The following RBPJ variants were observed in gnomAD, a reference collection of about 807,000 sequenced individuals.
RBPJ encodes recombining binding protein suppressor of hairless.
RBPJ carries 9 observed loss-of-function variants against 67.8 expected under a neutral mutation model. The ratio of observed to expected loss-of-function variants is 0.13; its 90% CI spans 0.08 to 0.23. The LOEUF (loss-of-function observed/expected upper bound fraction) is 0.23, where lower values mean the gene tolerates loss of function less well. RBPJ is among the 10% of genes least tolerant of loss of function. The pLI is 1.00. For missense variants in RBPJ, 305 were observed against 595.6 expected, an observed-to-expected ratio of 0.51 and a Z score of 5.08; for synonymous variants, 198 against 203.3, an observed-to-expected ratio of 0.97 and a Z score of 0.22.
Position 26,424,290 on chromosome 4 carries a change from C to T in RBPJ, c.497-52C>T, listed in dbSNP as rs1483263709. The T allele has an allele frequency of 6.3e-7, 1 of 1,581,480 alleles. No homozygotes were observed. The highest frequency in any genetic ancestry group is 8.6e-7 in the Non-Finnish European group (1 of 1,157,764). On this transcript the variant is annotated intron_variant, in intron 5 of 10. Coordinates refer to ENST00000355476, the MANE Select transcript of RBPJ (RefSeq NM_015874.6). The surrounding 1 kb of genome is among the most constrained non-coding windows in gnomAD (Gnocchi z 5.3). ...AAGCAGAATTTCCTTCTTTTGCTCC[C>T]TCCCCACCTTCTGCTCCAATCACAT... is the stretch of plus-strand genomic sequence containing the variant.
chr4:26,413,185 C>G (rs1344434960), intron 3 of RBPJ, among the ~76,000 whole-genome samples: 1 of 152,200 alleles, frequency 6.6e-6, no homozygotes, highest in Non-Finnish European at 1.5e-5. Context: ...TGTTTCCCCA[C>G]TGTTGGTCAC....
At chr4:26,177,184 C>T (rs1716825503) in intron 1 of RBPJ, among the ~76,000 whole-genome samples, 1 of 152,176 alleles carries the variant, frequency 6.6e-6, no homozygotes, top group East Asian at 1.9e-4. Context: ...GAGAGCATCT[C>T]ATCCTCCTCA....
intron 1 of RBPJ, among the ~76,000 whole-genome samples, chr4:26,171,532 C>T (rs1716583974): frequency 1.3e-5 from 2 of 152,208 alleles, no homozygotes. Context: ...TTGTGCACTC[C>T]AGCCTGGGTG....
intron 1 of RBPJ, among the ~76,000 whole-genome samples, chr4:26,285,254 A>ACCCCCCCCCCCCCCCCCCCCCC (rs35591923): frequency 1.4e-5 from 2 of 148,010 alleles, no homozygotes; most frequent in Non-Finnish European, 1.5e-5. Context: ...CTAAACTTCC[A>ACCCCCCCCCCCCCCCCCCCCCC]CCCCTCCGCC....
chr4:26,430,194 T>C lies in RBPJ; in HGVS notation c.1044+141T>C. 6.6e-6 allele frequency: 7 copies of C among 1,067,036 alleles called. No homozygotes were observed. In the Admixed American group the frequency reaches 1.2e-4, roughly 18 times the overall value. 66.1% of individuals were successfully genotyped at this position (1,067,036 alleles called of 1,614,324 possible). On this transcript the variant is annotated intron_variant, in intron 9 of 10. Coordinates refer to ENST00000355476, the MANE Select transcript of RBPJ (RefSeq NM_015874.6). This position sits in a 1 kb window ranked among gnomAD's most constrained non-coding sequence, Gnocchi z 4.1. ...ATTTTTATATACACCATTTGTTGAT[T>C]TAAAGAAAAAAAAACAAAATTAGGA... is the stretch of plus-strand genomic sequence containing the variant.
At chr4:26,429,043 C>T (rs952695152) in intron 8 of RBPJ, among the ~76,000 whole-genome samples, 183 bp downstream of exon 8, 4 of 152,130 alleles carry the variant, frequency 2.6e-5, no homozygotes, top group Non-Finnish European at 4.4e-5. Context: ...AATCCTTCCT[C>T]AAGGAAGAAC....
the RBPJ span, among the ~76,000 whole-genome samples, chr4:26,134,197 C>T: frequency 4.6e-5 from 7 of 152,186 alleles, no homozygotes; most frequent in African/African-American, 1.7e-4. Context: ...TGGGTCTCAA[C>T]GTCATGGGAT....
At chr4:26,305,573 T>C (rs1722205842) in intron 1 of RBPJ, among the ~76,000 whole-genome samples, 1 of 152,108 alleles carries the variant, frequency 6.6e-6, no homozygotes, top group African/African-American at 2.4e-5. Context: ...CTTTATTTAT[T>C]TAATTTGATA....
At chr4:26,320,582 C>T, upstream of RBPJ, 1 of 641,400 alleles carries the variant, frequency 1.6e-6, no homozygotes, top group South Asian at 2.2e-5. Flanking sequence ...GGAGGTGTTT[C>T]ATCTAGGCCT....
rs201526714 is a variant in RBPJ at position 26,430,016 on chromosome 4, C to T, written c.1007C>T (p.Ala336Val). 726 of 1,614,050 alleles carry T rather than the reference C, an allele frequency of 4.5e-4. No homozygotes were observed. Among genetic ancestry groups the T allele is most frequent in the Non-Finnish European group, 5.8e-4 (686 of 1,179,966 alleles). Residue 336 changes from alanine to valine, a missense_variant, in exon 9 of 11, where the codon GCC becomes GTC. Ala to Val is a moderately conservative substitution (Grantham distance 64). This residue lies in a region of RBPJ where 16 missense variants were observed against 17.1 expected (regional missense o/e 0.94). Coordinates refer to ENST00000355476, the MANE Select transcript of RBPJ (RefSeq NM_015874.6). This position sits in a 1 kb window ranked among gnomAD's most constrained non-coding sequence, Gnocchi z 4.1. ...TATGAGGGAATGGGCCCTGTCCTTG[C>T]CCCAGTCACTCCTGTGCCTGTGGTA... is the stretch of plus-strand genomic sequence containing the variant. ...TFYEGMGPVL[A>V]PVTPVPVVES...
At chr4:26,411,825 G>C (rs1221239485) in intron 3 of RBPJ, among the ~76,000 whole-genome samples, 2 of 151,852 alleles carry the variant, frequency 1.3e-5, no homozygotes, top group African/African-American at 4.8e-5. Flanking sequence ...TACCATTTAT[G>C]GGCCAGGCGC....
intron 1 of RBPJ, among the ~76,000 whole-genome samples, chr4:26,329,729 C>A (rs1577449137): frequency 6.6e-6 from 1 of 152,004 alleles, no homozygotes; most frequent in African/African-American, 2.4e-5. Flanking sequence ...CCTGTCTCTA[C>A]TAAAAATACA....
chr4:26,345,908 CAAAATCACATCTTTTCTAAGCTCTATAAT>C (rs1726085329), intron 1 of RBPJ, among the ~76,000 whole-genome samples: 1 of 152,114 alleles, frequency 6.6e-6, no homozygotes, highest in East Asian at 1.9e-4. Context: ...CTTAAAATGA[CAAAATCACATCTTTTCTAAGCTCTATAAT>C]GAAGCTTTTT....
At chr4:26,359,643 G>A (rs1727821546) in intron 1 of RBPJ, 1 of 152,220 alleles carries the variant, frequency 6.6e-6, no homozygotes, top group Admixed American at 6.5e-5. Context: ...CGGGGGACGT[G>A]AGGTTCCCGA....
chr4:26,406,778 T>TA (rs1221847675), intron 3 of RBPJ, among the ~76,000 whole-genome samples: 1 of 152,120 alleles, frequency 6.6e-6, no homozygotes, highest in Admixed American at 6.5e-5. Context: ...AAGAAAGCAA[T>TA]AACATTTCCA....
At chr4:26,215,601 T>C (rs1350463550) in intron 1 of RBPJ, among the ~76,000 whole-genome samples, 1 of 152,146 alleles carries the variant, frequency 6.6e-6, no homozygotes, top group Non-Finnish European at 1.5e-5. Context: ...AAGTGAACGA[T>C]TTTGCCGCAA....
chr4:26,395,555 G>A (rs571333086), intron 2 of RBPJ, among the ~76,000 whole-genome samples: 15 of 152,276 alleles, frequency 9.9e-5, no homozygotes, highest in Non-Finnish European at 2.1e-4. Context: ...ATTTGATCCT[G>A]AATATTTAAG....
intron 1 of RBPJ, among the ~76,000 whole-genome samples, chr4:26,373,518 T>A (rs1292912890): frequency 6.6e-6 from 1 of 152,216 alleles, no homozygotes; most frequent in Non-Finnish European, 1.5e-5. Flanking sequence ...GCTTGGCTGC[T>A]AAGAAATTGG....
Position 26,430,606 on chromosome 4 carries a change from T to C in RBPJ, c.1148+84T>C. The C allele has an allele frequency of 6.5e-7, 1 of 1,535,396 alleles. No homozygotes were observed. The highest frequency in any genetic ancestry group is 8.9e-7 in the Non-Finnish European group (1 of 1,122,622). The stretch of plus-strand genomic sequence containing the variant: ...TTCTTTCCTGGCACTGATTGTAATG[T>C]ATTAAACAACCTTGTGTTAAGTCTC... On this transcript the variant is annotated intron_variant, in intron 10 of 10. Transcript: ENST00000355476. This position sits in a 1 kb window ranked among gnomAD's most constrained non-coding sequence, Gnocchi z 4.1.
Sources: gnomAD v4.1 joint callset for allele counts (sites outside exome capture counted in the v4.1 genomes callset) on GRCh38, gnomAD v4.1.1 for gene constraint, gnomAD v4.1.1 regional missense constraint, Gnocchi (gnomAD v3.1) non-coding constraint, MANE v1.5 for transcripts, NCBI Gene and HGNC (gene_info 2026-07-23, HGNC 2026-07-21) for gene names.